The following RFT1 variants were observed in gnomAD, a reference collection of about 807,000 sequenced individuals.
RFT1 encodes RFT1 glycolipid translocator homolog, also known as man(5)GlcNAc(2)-PP-dolichol translocation protein RFT1.
A neutral mutation model predicts 62.2 loss-of-function variants in RFT1; 43 were observed. The ratio of observed to expected loss-of-function variants is 0.69; its 90% confidence interval spans 0.54 to 0.89. The LOEUF is 0.89. RFT1 is among the 40% of genes least tolerant of loss of function. The pLI is 0.00. For missense variants in RFT1, 605 were observed against 649.9 expected, an observed-to-expected ratio of 0.93 and a Z score of 0.75; for synonymous variants, 262 against 264.6, an observed-to-expected ratio of 0.99 and a Z score of 0.10.
chr3:53,103,273 A>T (rs1409099399), intron 10 of RFT1: 1 of 985,394 alleles, frequency 1.0e-6, no homozygotes, highest in Non-Finnish European at 1.2e-6. Flanking sequence ...CGACCTGAGA[A>T]ATTAAAAACA....
intron 7 of RFT1, among the ~76,000 whole-genome samples, chr3:53,110,560 A>G (rs1701619295): frequency 6.6e-6 from 1 of 152,182 alleles, no homozygotes; most frequent in Admixed American, 6.6e-5. Flanking sequence ...GAGCCCTCAG[A>G]CACTGCCTGG....
At position 53,122,456 on chromosome 3, in the gene RFT1, A is replaced by T; in HGVS notation, c.374T>A (p.Leu125Gln). ...CTCCACCACTGCCGAGAGACCAAACAGCACCACTCCAGTTGCATAGTGAGG... is the reference window on the plus strand; with the variant it reads ...CTCCACCACTGCCGAGAGACCAAACTGCACCACTCCAGTTGCATAGTGAGG... ...VVPHYATGVV[L>Q]FGLSAVVELL... Residue 125 changes from leucine to glutamine, a missense_variant, in exon 4 of 13, where the codon CTG becomes CAG. By Grantham distance (113) the Leu-to-Gln change is moderately radical. Coordinates refer to ENST00000296292, the MANE Select transcript of RFT1 (RefSeq NM_052859.4). The T allele has an allele frequency of 1.9e-6, 3 of 1,614,160 alleles. No individual in the cohort carries two copies. Among genetic ancestry groups the T allele is most frequent in the Non-Finnish European group, 2.5e-6 (3 of 1,180,028 alleles).
the RFT1 span, among the ~76,000 whole-genome samples, chr3:53,081,237 T>C: frequency 6.6e-6 from 1 of 152,184 alleles, no homozygotes; most frequent in Non-Finnish European, 1.5e-5. Context: ...CTGCAGGTAA[T>C]GGGGCTAAAG....
At chr3:53,108,788 C>T (rs940140349) in intron 7 of RFT1, among the ~76,000 whole-genome samples, 14 of 151,878 alleles carry the variant, frequency 9.2e-5, no homozygotes, top group African/African-American at 3.1e-4. Context: ...GCAACCTCTG[C>T]CTCCCGAGTA....
At chr3:53,070,494 C>T in the RFT1 span, among the ~76,000 whole-genome samples, 5 of 150,784 alleles carry the variant, frequency 3.3e-5, no homozygotes, top group African/African-American at 4.9e-5. Context: ...CTCCGCCTCC[C>T]GAGTTCAAGC....
downstream of RFT1, among the ~76,000 whole-genome samples, chr3:53,087,962 T>C (rs1700895214): frequency 6.6e-6 from 1 of 152,230 alleles, no homozygotes. Context: ...TCTCTAATTC[T>C]GGAAATAACA....
intron 12 of RFT1, 75 bp from the exon 13 acceptor site, chr3:53,092,145 A>G (rs1463119038): frequency 1.0e-5 from 16 of 1,572,262 alleles, no homozygotes; most frequent in Non-Finnish European, 1.4e-5. Flanking sequence ...CAGGGAAGAC[A>G]GCTGTGGTTC....
At chr3:53,067,358 T>C in the RFT1 span, among the ~76,000 whole-genome samples, 1 of 151,948 alleles carries the variant, frequency 6.6e-6, no homozygotes. Flanking sequence ...TCAAAAAATA[T>C]ACAAAAATAA....
At chr3:53,129,469 T>C (rs1233222743) in intron 1 of RFT1, among the ~76,000 whole-genome samples, 1 of 152,064 alleles carries the variant, frequency 6.6e-6, no homozygotes, top group African/African-American at 2.4e-5. Context: ...GGTTCTTTCT[T>C]CTGCCCTCCA....
In RFT1 at chr3:53,125,877, C is replaced by T. The variant is rs757106575; in HGVS notation, c.149+32G>A. 20 of 1,556,040 alleles carry T rather than the reference C, an allele frequency of 1.3e-5. No homozygotes were observed. In the East Asian group the frequency reaches 2.7e-4, roughly 21 times the overall value. On this transcript the variant is annotated intron_variant, in intron 2 of 12. Coordinates refer to ENST00000296292, the MANE Select transcript of RFT1 (RefSeq NM_052859.4). ...AAGAAAGCCTGGCTAGGAAGGTGAA[C>T]TCTGACAGTGCCAGGGTGCATCTCC...
At chr3:53,127,219 C>T (rs1248754490) in intron 1 of RFT1, among the ~76,000 whole-genome samples, 2 of 150,670 alleles carry the variant, frequency 1.3e-5, no homozygotes, top group South Asian at 2.1e-4. Context: ...GAGTTCGAGA[C>T]CTGCCTGACT....
chr3:53,126,027 A>C, intron 1 of RFT1, 33 bp from the exon 2 acceptor site: 3 of 1,528,640 alleles, frequency 2.0e-6, no homozygotes, highest in Non-Finnish European at 2.7e-6. Context: ...CGTAAGAATA[A>C]ATGACGTTAG....
At chr3:53,102,076 C>T (rs1701332700) in intron 10 of RFT1, among the ~76,000 whole-genome samples, 1 of 151,458 alleles carries the variant, frequency 6.6e-6, no homozygotes, top group Admixed American at 6.6e-5. Flanking sequence ...TGCATTGAGG[C>T]AGACACGTGC....
chr3:53,081,181 G>A, the RFT1 span, among the ~76,000 whole-genome samples: 6 of 152,194 alleles, frequency 3.9e-5, no homozygotes, highest in African/African-American at 7.2e-5. Context: ...GGAAAGAAAC[G>A]GTGACCTGAG....
rs1700962297 is a variant in RFT1, at chr3:53,090,592, AAG to A, written c.*1309_*1310del. 6.6e-6 allele frequency: 1 copy of A among 152,178 alleles called. No individual in the cohort carries two copies. Among genetic ancestry groups the A allele is most frequent in the African/African-American group, 2.4e-5 (1 of 41,436 alleles). The allele number at this position is 152,178 out of a possible 1,614,324, so 9.4% of individuals were successfully genotyped here. ...TAGCCCCTGGGTACTGGCTCTGGGC[AAG>A]CAGATTTAAATACATGCATTTTAAT... On this transcript the variant is annotated 3_prime_UTR_variant, in exon 13 of 13. Coordinates refer to ENST00000296292, the MANE Select transcript of RFT1 (RefSeq NM_052859.4).
At chr3:53,085,411 C>A (rs539578590), downstream of RFT1, among the ~76,000 whole-genome samples, 2 of 151,980 alleles carry the variant, frequency 1.3e-5, no homozygotes, top group Non-Finnish European at 2.9e-5. Context: ...ACAGGTGGAG[C>A]ACCCAGGGCC....
the RFT1 span, among the ~76,000 whole-genome samples, chr3:53,072,701 G>A: frequency 3.3e-5 from 5 of 152,322 alleles, no homozygotes; most frequent in South Asian, 1.0e-3. Flanking sequence ...GTGGACTTTC[G>A]GACGCATCGC....
At chr3:53,127,963 C>G (rs1015484638) in intron 1 of RFT1, among the ~76,000 whole-genome samples, 2 of 151,742 alleles carry the variant, frequency 1.3e-5, no homozygotes, top group African/African-American at 4.9e-5. Flanking sequence ...AGAAAGCATA[C>G]AAGAATGAAA....
chr3:53,103,169 T>A, intron 10 of RFT1: 1 of 985,438 alleles, frequency 1.0e-6, no homozygotes, highest in South Asian at 4.7e-5. Context: ...TAGTGGAGAC[T>A]AAAACATGCT....
Sources: gnomAD v4.1 joint callset for allele counts (sites outside exome capture counted in the v4.1 genomes callset) on GRCh38, gnomAD v4.1.1 for gene constraint, MANE v1.5 for transcripts, NCBI Gene and HGNC (gene_info 2026-07-23, HGNC 2026-07-21) for gene names.